The following CYP39A1 variants were observed in gnomAD, a reference collection of about 807,000 sequenced individuals.
CYP39A1 encodes the protein 24-hydroxycholesterol 7-alpha-hydroxylase.
A neutral mutation model predicts 58.1 loss-of-function variants in CYP39A1; 49 were observed. The ratio of observed to expected loss-of-function variants is 0.84; its 90% confidence interval spans 0.67 to 1.07. The LOEUF (loss-of-function observed/expected upper bound fraction) is 1.07. Ranked by LOEUF, CYP39A1 falls within the 50% of genes least tolerant of loss-of-function variation. CYP39A1 has a pLI of 0.00. For synonymous variants in CYP39A1, 209 were observed against 187.6 expected (o/e 1.11, Z -0.93); for missense variants, 531 against 539.4 (o/e 0.98, Z 0.16).
chr6:46,652,130 G>A (rs1172410424), intron 1 of CYP39A1, among the ~76,000 whole-genome samples: 3 of 152,160 alleles, frequency 2.0e-5, no homozygotes, highest in Non-Finnish European at 4.4e-5. Flanking sequence ...TACACATTTG[G>A]AACTTAACTT....
At position 46,588,337 on chromosome 6, in the gene CYP39A1, T is replaced by G. The variant is rs538679910; in HGVS notation, c.1066-208A>C. Among the ~76,000 whole-genome samples the G allele has an allele frequency of 6.3e-4, 95 of 150,646 alleles. 1 individual carries two copies. In the South Asian group the frequency reaches 0.019, roughly 30 times the overall value. On this transcript the variant is annotated intron_variant, in intron 8 of 11. Transcript: ENST00000275016. ...ATCTAATAATATAGTATCTATATAA[T>G]TCTGATTTCCATATACATATATTTG...
At chr6:46,651,186 ACAAT>A (rs1208163372) in intron 1 of CYP39A1, among the ~76,000 whole-genome samples, 1 of 152,232 alleles carries the variant, frequency 6.6e-6, no homozygotes, top group Non-Finnish European at 1.5e-5. Flanking sequence ...TTCTGAGTAA[ACAAT>A]CAGATAATTG....
intron 9 of CYP39A1, 85 bp downstream of exon 9, chr6:46,587,949 G>C: frequency 1.3e-6 from 1 of 755,070 alleles, no homozygotes; most frequent in South Asian, 2.1e-5. Flanking sequence ...TAATTATATA[G>C]TCCTAATTAA....
intron 3 of CYP39A1, among the ~76,000 whole-genome samples, 171 bp downstream of exon 3, chr6:46,639,323 G>A (rs576802633): frequency 1.4e-4 from 19 of 140,526 alleles, no homozygotes; most frequent in African/African-American, 2.6e-4. Context: ...GTGACAGAGC[G>A]AGACTCTATC....
intron 7 of CYP39A1, among the ~76,000 whole-genome samples, chr6:46,599,029 C>A (rs901915283): frequency 6.6e-6 from 1 of 152,062 alleles, no homozygotes; most frequent in African/African-American, 2.4e-5. Flanking sequence ...TTCCTGAAAC[C>A]TTTATTGGGA....
intron 11 of CYP39A1, among the ~76,000 whole-genome samples, chr6:46,551,259 G>A (rs1328974969): frequency 2.0e-5 from 3 of 149,934 alleles, no homozygotes; most frequent in South Asian, 4.3e-4. Context: ...CGAACCCACT[G>A]AAATTGCATC....
rs143288719 is a variant in CYP39A1, at chr6:46,597,106, C to T, written c.932-986G>A. ...TTTGCAGGAAAAGGTTTATTGGGTGCTGCCTGGGAAACCTTTTCTGTCAGT... is the reference window on the plus strand; with the variant it reads ...TTTGCAGGAAAAGGTTTATTGGGTGTTGCCTGGGAAACCTTTTCTGTCAGT... On this transcript the variant is annotated intron_variant, in intron 7 of 11. Transcript: ENST00000275016. 7.6e-4 allele frequency among the ~76,000 whole-genome samples: 116 copies of T among 152,172 alleles called. No individual in the cohort carries two copies. The East Asian group carries it at 0.018, about 23-fold the overall frequency.
intron 10 of CYP39A1, among the ~76,000 whole-genome samples, chr6:46,580,998 G>T (rs1434006069): frequency 6.6e-6 from 1 of 152,102 alleles, no homozygotes; most frequent in East Asian, 1.9e-4. Context: ...TATACCCAAA[G>T]GAATATAAAT....
chr6:46,600,529 G>T (rs984096438), intron 7 of CYP39A1, among the ~76,000 whole-genome samples: 2 of 152,106 alleles, frequency 1.3e-5, no homozygotes, highest in Non-Finnish European at 2.9e-5. Flanking sequence ...GGAACTGCCA[G>T]CCCCATTCCC....
Position 46,625,435 on chromosome 6 carries a change from G to A in CYP39A1, c.914C>T (p.Ser305Phe). The change falls in exon 7 of 12, where the codon TCT becomes TTT. Residue 305 changes from serine to phenylalanine, a missense_variant. By Grantham distance (155) the Ser-to-Phe change is radical. Transcript: ENST00000275016. ...TTTAGTACCTGCTTTGCCAAACACA[G>A]AAGATATGCCTTCCATAATGGCCTT... ...IHKAIMEGIS[S>F]VFGKAGKDKI... The A allele has an allele frequency of 6.2e-7, 1 of 1,609,284 alleles. No individual in the cohort carries two copies. The highest frequency in any genetic ancestry group is 1.1e-5 in the South Asian group (1 of 90,154).
Position 46,576,999 on chromosome 6 carries a change from C to T in CYP39A1, c.1250+10078G>A, listed in dbSNP as rs539554509. 7.9e-5 allele frequency among the ~76,000 whole-genome samples: 12 copies of T among 152,012 alleles called. No homozygotes were observed. The South Asian group carries it at 2.3e-3, about 29-fold the overall frequency. On this transcript the variant is annotated intron_variant, in intron 10 of 11. Coordinates refer to ENST00000275016, the MANE Select transcript of CYP39A1 (RefSeq NM_016593.5). ...CTCATAAGATTCTCCAAAGTCAATG[C>T]AAAAGAAAAAATCTTAGAGCCAGCA...
chr6:46,649,228 C>T (rs1244055178), intron 1 of CYP39A1, among the ~76,000 whole-genome samples: 2 of 152,208 alleles, frequency 1.3e-5, no homozygotes, highest in Non-Finnish European at 2.9e-5. Context: ...TGGCCAGGGC[C>T]TCCCTCTATT....
intron 1 of CYP39A1, among the ~76,000 whole-genome samples, chr6:46,651,705 A>C (rs903562505): frequency 6.6e-6 from 1 of 152,222 alleles, no homozygotes; most frequent in Non-Finnish European, 1.5e-5. Flanking sequence ...AAAATGGGTC[A>C]CCACAGAAAG....
At position 46,638,554 on chromosome 6, in the gene CYP39A1, CTGTT is replaced by C. The variant is rs578000944; in HGVS notation, c.489-580_489-577del. ...TTAACATGCCTTAAAACACTTAATA[CTGTT>C]TATTTAATTTTTATTTACCATCCCT... On this transcript the variant is annotated intron_variant, in intron 3 of 11. Coordinates refer to ENST00000275016, the MANE Select transcript of CYP39A1 (RefSeq NM_016593.5). 2.6e-3 allele frequency among the ~76,000 whole-genome samples: 402 copies of C among 152,232 alleles called. 1 individual carries two copies. The highest frequency in any genetic ancestry group is 9.0e-3 in the African/African-American group (375 of 41,532).
intron 10 of CYP39A1, among the ~76,000 whole-genome samples, chr6:46,566,784 A>G (rs775471731): frequency 6.6e-5 from 10 of 151,958 alleles, no homozygotes; most frequent in African/African-American, 2.4e-4. Context: ...TGACCTCAAA[A>G]TATAAATAAA....
intron 10 of CYP39A1, among the ~76,000 whole-genome samples, chr6:46,566,288 A>T (rs1771270199): frequency 6.6e-6 from 1 of 152,118 alleles, no homozygotes; most frequent in South Asian, 2.1e-4. Context: ...GTCCATTTTT[A>T]TACTGCTATA....
In CYP39A1 at chr6:46,640,610, TA is replaced by T. The variant is rs572371592; in HGVS notation, c.314-943del. 2.0e-5 allele frequency among the ~76,000 whole-genome samples: 3 copies of T among 152,202 alleles called. No individual in the cohort carries two copies. The South Asian group carries it at 6.2e-4, about 32-fold the overall frequency. ...GACCTTGAAGTAACTTTTTCTGTTT[TA>T]AAAAAATTTTGAATTTTATTTTAGA... On this transcript the variant is annotated intron_variant, in intron 2 of 11. Transcript: ENST00000275016.
chr6:46,557,245 C>G (rs1090735), intron 10 of CYP39A1, among the ~76,000 whole-genome samples: 28,618 of 151,386 alleles, frequency 0.19, 5,376 homozygotes, highest in African/African-American at 0.48. Flanking sequence ...ATATAGATGA[C>G]CAAGCAGGGA....
chr6:46,552,379 T>G (rs1334784680), intron 11 of CYP39A1, among the ~76,000 whole-genome samples: 3 of 152,190 alleles, frequency 2.0e-5, no homozygotes, highest in Admixed American at 2.0e-4. Flanking sequence ...CTGAGAGCTC[T>G]TCATCACCGA....
Sources: gnomAD v4.1 joint callset for allele counts (sites outside exome capture counted in the v4.1 genomes callset) on GRCh38, gnomAD v4.1.1 for gene constraint, MANE v1.5 for transcripts, NCBI Gene and HGNC (gene_info 2026-07-23, HGNC 2026-07-21) for gene names.